DTNB: variants seen among roughly 807,000 people sequenced by gnomAD.
The protein encoded by DTNB is DTN-B.
DTNB carries 63 observed loss-of-function variants against 90.7 expected under a neutral mutation model. The ratio of observed to expected loss-of-function variants is 0.69; its 90% CI spans 0.57 to 0.86. DTNB has a LOEUF of 0.86. Among genes scored for constraint, DTNB ranks in the 40% least tolerant of loss-of-function variants. The pLI, the probability that DTNB is intolerant of heterozygous loss-of-function variation, is 0.00. For synonymous variants in DTNB, 277 were observed against 286.7 expected, an observed-to-expected ratio of 0.97 and a Z score of 0.34; for missense variants, 744 against 807.1, an observed-to-expected ratio of 0.92 and a Z score of 0.95.
At position 25,498,004 on chromosome 2, in the gene DTNB, G is replaced by A. The variant is rs146275308; in HGVS notation, c.1002-15131C>T. 3.0e-3 allele frequency among the ~76,000 whole-genome samples: 455 copies of A among 152,072 alleles called. 6 individuals are homozygous for A. Among genetic ancestry groups the A allele is most frequent in the Middle Eastern group, 0.024 (7 of 294 alleles). Reference sequence around the variant, plus strand: ...ACCCCAAATCATCAATTCTCTACTAGTCTCCCAAATTAGAACAAAACTCTT... The same window carrying A: ...ACCCCAAATCATCAATTCTCTACTAATCTCCCAAATTAGAACAAAACTCTT... On this transcript the variant is annotated intron_variant, in intron 9 of 20. Transcript: ENST00000406818.
intron 8 of DTNB, among the ~76,000 whole-genome samples, chr2:25,545,883 A>G (rs1026933397): frequency 3.3e-5 from 5 of 152,318 alleles, no homozygotes; most frequent in Non-Finnish European, 4.4e-5. Flanking sequence ...TGGCCCCCCA[A>G]AGTGCTGGGA....
At chr2:25,634,878 C>T (rs1412696193) in intron 3 of DTNB, among the ~76,000 whole-genome samples, 1 of 107,974 alleles carries the variant, frequency 9.3e-6, no homozygotes, top group Non-Finnish European at 2.1e-5. Context: ...TAAAAGTCAT[C>T]ACCACTCCCT....
intron 10 of DTNB, among the ~76,000 whole-genome samples, chr2:25,471,118 T>C (rs1253148193): frequency 6.6e-6 from 1 of 152,048 alleles, no homozygotes; most frequent in African/African-American, 2.4e-5. Context: ...TACAAGCTAA[T>C]GAGAAAAAAT....
intron 8 of DTNB, among the ~76,000 whole-genome samples, chr2:25,569,502 A>T (rs2059513556): frequency 6.6e-6 from 1 of 152,186 alleles, no homozygotes; most frequent in African/African-American, 2.4e-5. Context: ...GAAGGAAATG[A>T]ACATGCCTAG....
At chr2:25,618,294 C>T (rs532961211) in intron 4 of DTNB, among the ~76,000 whole-genome samples, 5 of 152,198 alleles carry the variant, frequency 3.3e-5, no homozygotes, top group Admixed American at 2.6e-4. Flanking sequence ...ACCCTGATAC[C>T]GCCCGACTTT....
chr2:25,413,044 G>A (rs1028146705), intron 16 of DTNB, among the ~76,000 whole-genome samples: 10 of 152,202 alleles, frequency 6.6e-5, no homozygotes, highest in African/African-American at 2.4e-4. Context: ...TTCAAACGAT[G>A]CAAATAACTA....
At chr2:25,399,332 T>C (rs1278050909) in intron 16 of DTNB, 1 of 148,218 alleles carries the variant, frequency 6.7e-6, no homozygotes, top group Non-Finnish European at 1.5e-5. Context: ...ATTACAGGCG[T>C]GAGCCATCGC....
At chr2:25,660,197 A>G (rs1419012008) in intron 1 of DTNB, among the ~76,000 whole-genome samples, 1 of 152,194 alleles carries the variant, frequency 6.6e-6, no homozygotes, top group East Asian at 1.9e-4. Context: ...ACTGCAGTAT[A>G]TTCATACTAA....
At chr2:25,482,258 A>C (rs79387375) in intron 10 of DTNB, among the ~76,000 whole-genome samples, 135 of 152,378 alleles carry the variant, frequency 8.9e-4, no homozygotes, top group African/African-American at 3.1e-3. Context: ...AGAAGTACAC[A>C]GTTCTCATTC....
At chr2:25,459,955 A>G (rs571849188) in intron 10 of DTNB, among the ~76,000 whole-genome samples, 1 of 152,310 alleles carries the variant, frequency 6.6e-6, no homozygotes, top group African/African-American at 2.4e-5. Context: ...AAAAAAAATT[A>G]AAAGATATTT....
At chr2:25,498,228 C>T (rs2069473121) in intron 9 of DTNB, among the ~76,000 whole-genome samples, 1 of 152,144 alleles carries the variant, frequency 6.6e-6, no homozygotes, top group Non-Finnish European at 1.5e-5. Context: ...GAAACCCTTA[C>T]TAAATACCTC....
intron 14 of DTNB, among the ~76,000 whole-genome samples, chr2:25,430,331 T>G (rs565302128): frequency 7.2e-5 from 11 of 152,312 alleles, no homozygotes; most frequent in African/African-American, 2.6e-4. Context: ...ACATTTCCAG[T>G]GCAGTAGACC....
intron 12 of DTNB, among the ~76,000 whole-genome samples, chr2:25,450,387 T>C (rs1304220856): frequency 6.6e-6 from 1 of 152,226 alleles, no homozygotes; most frequent in African/African-American, 2.4e-5. Flanking sequence ...GGATACTCTA[T>C]TCTGTTCCTT....
At chr2:25,396,730 C>CT (rs1360378323) in intron 16 of DTNB, among the ~76,000 whole-genome samples, 3 of 45,236 alleles carry the variant, frequency 6.6e-5, no homozygotes, top group Non-Finnish European at 1.2e-4. Flanking sequence ...ATAAAAGGAA[C>CT]TAAAAAAAAA....
chr2:25,636,954 G>A (rs2148815967), intron 3 of DTNB, among the ~76,000 whole-genome samples: 1 of 152,048 alleles, frequency 6.6e-6, no homozygotes, highest in East Asian at 1.9e-4. Context: ...AAGACTTAAA[G>A]TAGAGTAGAA....
intron 16 of DTNB, among the ~76,000 whole-genome samples, chr2:25,393,381 G>C (rs1004873500): frequency 2.6e-5 from 4 of 152,120 alleles, no homozygotes; most frequent in African/African-American, 7.2e-5. Context: ...GTCCTAGCCA[G>C]AGCAATCAGA....
At chr2:25,405,608 GT>G (rs941531346) in intron 16 of DTNB, among the ~76,000 whole-genome samples, 7 of 146,040 alleles carry the variant, frequency 4.8e-5, no homozygotes, top group African/African-American at 1.3e-4. Flanking sequence ...TTTTGTTGTT[GT>G]TTTTTTTTTC....
At position 25,635,053 on chromosome 2, in the gene DTNB, TA is replaced by T. The variant is rs1213288403; in HGVS notation, c.148+3960del. 4.4e-3 allele frequency among the ~76,000 whole-genome samples: 342 copies of T among 77,472 alleles called. 1 individual carries two copies. The highest frequency in any genetic ancestry group is 0.015 in the African/African-American group (279 of 18,506). 50.8% of individuals were successfully genotyped at this position (77,472 alleles called of 152,430 possible). A position where few individuals can be genotyped will look rare whatever the true frequency, so the allele number is the denominator to read the frequency against. ...GCGAGAAACACCCAAGAATGATCAATAAAAAAAAATAAAAAAATAAAAAAAG... is the reference window on the plus strand; with the variant it reads ...GCGAGAAACACCCAAGAATGATCAATAAAAAAAATAAAAAAATAAAAAAAG... On this transcript the variant is annotated intron_variant, in intron 3 of 20. Coordinates refer to ENST00000406818, the MANE Select transcript of DTNB (RefSeq NM_021907.5).
intron 16 of DTNB, among the ~76,000 whole-genome samples, chr2:25,401,840 A>G (rs2043812314): frequency 6.6e-6 from 1 of 152,232 alleles, no homozygotes; most frequent in Admixed American, 6.5e-5. Context: ...CTCCATTTCT[A>G]TCTCCCTGAC....
Sources: allele counts gnomAD v4.1 joint callset (sites outside exome capture counted in the v4.1 genomes callset), GRCh38; gene constraint gnomAD v4.1.1; transcripts MANE v1.5; gene names NCBI Gene and HGNC (gene_info 2026-07-23, HGNC 2026-07-21).